Variants in MED13L observed in about 807,000 individuals in gnomAD.
MED13L encodes the protein mediator of RNA polymerase II transcription subunit 13-like.
MED13L carries 7 observed loss-of-function variants against 220.9 expected under a neutral mutation model. That is an observed-to-expected ratio of 0.03 (90% CI 0.02 to 0.06). The LOEUF (loss-of-function observed/expected upper bound fraction) is 0.06, where lower values mean the gene tolerates loss of function less well. Among genes scored for constraint, MED13L ranks in the 10% least tolerant of loss-of-function variants. The pLI is 1.00. For missense variants in MED13L, 1,965 were observed against 2,760.5 expected (o/e 0.71, Z 6.46); for synonymous variants, 1,011 against 1,015.2 (o/e 1.00, Z 0.08).
chr12:116,142,513 C>T (rs746127613), intron 2 of MED13L, among the ~76,000 whole-genome samples: 8 of 152,018 alleles, frequency 5.3e-5, no homozygotes, highest in African/African-American at 1.9e-4. Context: ...CATAGTGAAA[C>T]CCCATCTCTA....
chr12:116,220,461 G>A (rs1212948070), intron 2 of MED13L, among the ~76,000 whole-genome samples: 1 of 152,182 alleles, frequency 6.6e-6, no homozygotes, highest in Non-Finnish European at 1.5e-5. Flanking sequence ...CACTTTGGGA[G>A]GCCGAGGCGG....
At chr12:115,979,977 T>C (rs1877211386) in intron 23 of MED13L, among the ~76,000 whole-genome samples, 1 of 152,174 alleles carries the variant, frequency 6.6e-6, no homozygotes, top group Admixed American at 6.5e-5. Flanking sequence ...CATTCATTTA[T>C]ATACGGAAGC....
At chr12:116,264,207 TA>T (rs1428739990) in intron 1 of MED13L, among the ~76,000 whole-genome samples, 1 of 152,154 alleles carries the variant, frequency 6.6e-6, no homozygotes, top group Non-Finnish European at 1.5e-5. Context: ...GGCAGCCAAC[TA>T]AACTGTCTCT....
intron 4 of MED13L, among the ~76,000 whole-genome samples, chr12:116,052,439 A>G (rs1379023234): frequency 6.6e-6 from 1 of 152,220 alleles, no homozygotes; most frequent in Non-Finnish European, 1.5e-5. Context: ...ATAGAACCTA[A>G]AAGCATTAAC....
At chr12:116,108,390 AG>A (rs35576412) in intron 3 of MED13L, among the ~76,000 whole-genome samples, 10,350 of 41,094 alleles carry the variant, frequency 0.25, 505 homozygotes, top group Admixed American at 0.35. Flanking sequence ...TTTAAAAGAA[AG>A]GGGGGGGGGG....
intron 2 of MED13L, among the ~76,000 whole-genome samples, chr12:116,190,778 G>A (rs981197145): frequency 6.6e-6 from 1 of 151,980 alleles, no homozygotes; most frequent in African/African-American, 2.4e-5. Context: ...TTCCTATCCT[G>A]GGATGCTTCT....
intron 23 of MED13L, among the ~76,000 whole-genome samples, chr12:115,977,504 AT>A (rs1877018309): frequency 6.6e-6 from 1 of 152,246 alleles, no homozygotes; most frequent in African/African-American, 2.4e-5. Flanking sequence ...CCTTGTACAT[AT>A]TCATAGCAGC....
At chr12:116,134,404 A>T (rs950010973) in intron 2 of MED13L, among the ~76,000 whole-genome samples, 21 of 152,210 alleles carry the variant, frequency 1.4e-4, no homozygotes, top group African/African-American at 4.3e-4. Flanking sequence ...CATATTAATA[A>T]GAAAATTTTT....
At chr12:116,190,559 A>T (rs1881207062) in intron 2 of MED13L, among the ~76,000 whole-genome samples, 1 of 152,184 alleles carries the variant, frequency 6.6e-6, no homozygotes, top group African/African-American at 2.4e-5. Context: ...TTTTTCAGGA[A>T]GCAATCCAAA....
At chr12:116,135,695 G>A (rs1177200826) in intron 2 of MED13L, among the ~76,000 whole-genome samples, 1 of 152,118 alleles carries the variant, frequency 6.6e-6, no homozygotes, top group African/African-American at 2.4e-5. Flanking sequence ...CAAGGAACCA[G>A]GCTCGTGAGA....
chr12:116,067,168 A>T (rs1241046244), intron 4 of MED13L, among the ~76,000 whole-genome samples: 3 of 152,310 alleles, frequency 2.0e-5, no homozygotes, highest in South Asian at 2.1e-4. Flanking sequence ...AAATATGTAA[A>T]AACTATTTTT....
chr12:116,050,193 C>T (rs1868374433), intron 4 of MED13L, among the ~76,000 whole-genome samples: 1 of 152,160 alleles, frequency 6.6e-6, no homozygotes, highest in Non-Finnish European at 1.5e-5. Flanking sequence ...GTTGAATTAA[C>T]TCTTTAGTGG....
At chr12:115,961,546 C>A in intron 30 of MED13L, 148 bp from the exon 31 acceptor site, 1 of 1,102,232 alleles carries the variant, frequency 9.1e-7, no homozygotes, top group South Asian at 1.4e-5. Flanking sequence ...TCCTTTGTCT[C>A]ATGTTCCTCC....
intron 2 of MED13L, among the ~76,000 whole-genome samples, chr12:116,176,783 G>A (rs1197334870): frequency 6.7e-6 from 1 of 149,538 alleles, no homozygotes; most frequent in Non-Finnish European, 1.5e-5. Flanking sequence ...AAGACATGAA[G>A]GAATTGAGAA....
intron 2 of MED13L, among the ~76,000 whole-genome samples, chr12:116,162,809 TTC>T (rs1878987549): frequency 1.3e-5 from 2 of 152,354 alleles, no homozygotes; most frequent in African/African-American, 4.8e-5. Context: ...TTTTCTATTT[TTC>T]TCTTTTACTA....
intron 16 of MED13L, among the ~76,000 whole-genome samples, chr12:115,992,273 T>G (rs572408304): frequency 5.3e-5 from 8 of 152,336 alleles, no homozygotes; most frequent in African/African-American, 1.7e-4. Flanking sequence ...AACATGGTAC[T>G]GGGTTTGGTC....
chr12:116,225,965 C>T (rs1007395003), intron 2 of MED13L, among the ~76,000 whole-genome samples: 23 of 151,686 alleles, frequency 1.5e-4, no homozygotes, highest in Admixed American at 1.4e-3. Context: ...AAAAGACTAA[C>T]AACAGATTTA....
intron 2 of MED13L, among the ~76,000 whole-genome samples, chr12:116,206,769 C>G (rs1260994379): frequency 6.6e-6 from 1 of 152,174 alleles, no homozygotes; most frequent in African/African-American, 2.4e-5. Context: ...AATCTGCATT[C>G]TCTACAGAGT....
At chr12:116,208,474 T>C (rs892349331) in intron 2 of MED13L, among the ~76,000 whole-genome samples, 4 of 152,146 alleles carry the variant, frequency 2.6e-5, no homozygotes, top group African/African-American at 9.7e-5. Flanking sequence ...TATTCAAAAA[T>C]AGGAACTCAC....
Sources: allele counts gnomAD v4.1 joint callset (sites outside exome capture counted in the v4.1 genomes callset), GRCh38; gene constraint gnomAD v4.1.1; transcripts MANE v1.5; gene names NCBI Gene and HGNC (gene_info 2026-07-23, HGNC 2026-07-21).